ANK2: variants seen among roughly 807,000 people sequenced by gnomAD.
The protein encoded by ANK2 is ankyrin-2.
In ANK2, 83 loss-of-function variants were observed where a neutral mutation model predicts 360.5. That is an observed-to-expected ratio of 0.23 (90% confidence interval 0.19 to 0.28). The LOEUF is 0.28. ANK2 is among the 10% of genes least tolerant of loss of function. The pLI is 1.00. For missense variants in ANK2, 4,201 were observed against 4,795.7 expected (o/e 0.88, Z 3.66); for synonymous variants, 1,740 against 1,759.5 (o/e 0.99, Z 0.28).
intron 2 of ANK2, among the ~76,000 whole-genome samples, chr4:112,942,842 GA>G (rs1400159844): frequency 1.3e-5 from 2 of 151,222 alleles, no homozygotes; most frequent in East Asian, 1.9e-4. Context: ...AATATATTAA[GA>G]AAAAAAATTC....
chr4:112,836,943 G>A (rs2061114140), intron 1 of ANK2, among the ~76,000 whole-genome samples: 1 of 152,210 alleles, frequency 6.6e-6, no homozygotes, highest in Non-Finnish European at 1.5e-5. Context: ...CCCATTTTCT[G>A]GGGAGAAATT....
intron 1 of ANK2, among the ~76,000 whole-genome samples, chr4:113,142,416 T>C (rs1367725441): frequency 6.6e-6 from 1 of 152,192 alleles, no homozygotes; most frequent in Non-Finnish European, 1.5e-5. Context: ...AAGTTTGAAG[T>C]GATCACACAT....
At chr4:112,816,132 C>T (rs188319400), upstream of ANK2, among the ~76,000 whole-genome samples, 53 of 152,168 alleles carry the variant, frequency 3.5e-4, no homozygotes, top group African/African-American at 1.4e-4. Context: ...GTGGTGTCTG[C>T]GTTAACTCTG....
chr4:113,367,414 G>A (rs2096576099), intron 41 of ANK2, 152 bp from the exon 42 acceptor site: 2 of 729,704 alleles, frequency 2.7e-6, no homozygotes, highest in Admixed American at 4.9e-5. Context: ...GGTGGACACA[G>A]TGTCTTCTTC....
At chr4:113,347,193 G>C (rs1008677749) in intron 35 of ANK2, among the ~76,000 whole-genome samples, 10 of 152,090 alleles carry the variant, frequency 6.6e-5, no homozygotes, top group Non-Finnish European at 1.5e-4. Context: ...CAGCCATCTA[G>C]AGAAAAGCTC....
In ANK2 at chr4:112,984,485, A is replaced by G. The variant is rs1484200417; in HGVS notation, c.21+79971A>G. Among the ~76,000 whole-genome samples, 5 of 152,168 alleles carry G rather than the reference A, an allele frequency of 3.3e-5. No homozygotes were observed. In the East Asian group the frequency reaches 9.7e-4, roughly 29 times the overall value. Reference sequence around the variant, plus strand: ...TGAGACTTACTATCACAAGAATAGCATGGGAAAGACCTGCCCCCATGATTC... The same window carrying G: ...TGAGACTTACTATCACAAGAATAGCGTGGGAAAGACCTGCCCCCATGATTC... On this transcript the variant is annotated intron_variant, in intron 2 of 30. Transcript: ENST00000503271.
chr4:112,960,671 A>G (rs1450953846), intron 2 of ANK2, among the ~76,000 whole-genome samples: 1 of 152,184 alleles, frequency 6.6e-6, no homozygotes, highest in Non-Finnish European at 1.5e-5. Flanking sequence ...TAATAAATTT[A>G]TTCTTTAAAA....
the ANK2 span, among the ~76,000 whole-genome samples, chr4:112,802,862 C>T: frequency 0.56 from 85,099 of 151,922 alleles, 24,630 homozygotes; most frequent in East Asian, 0.88. Context: ...GAATCGTGTG[C>T]AAATGATTTT....
chr4:113,249,026 G>C (rs1011870680), intron 9 of ANK2, among the ~76,000 whole-genome samples: 33 of 152,130 alleles, frequency 2.2e-4, no homozygotes, highest in African/African-American at 7.7e-4. Context: ...GGATTGCTCT[G>C]GAATCAGAGG....
chr4:112,853,138 G>A (rs372728616), intron 1 of ANK2, among the ~76,000 whole-genome samples: 1 of 151,832 alleles, frequency 6.6e-6, no homozygotes, highest in African/African-American at 2.4e-5. Flanking sequence ...GCGTGATCTC[G>A]GCTCACTGCA....
In ANK2 at chr4:113,304,842, T is replaced by C. The variant is rs562836502; in HGVS notation, c.2548+2003T>C. On this transcript the variant is annotated intron_variant, in intron 23 of 45. Coordinates refer to ENST00000357077, the MANE Select transcript of ANK2 (RefSeq NM_001148.6). ...AAGGAAAAATGAGTAATGTAAGATA[T>C]TTTATCTAGTAAGAGGTTTCCAAAG... Among the ~76,000 whole-genome samples the C allele has an allele frequency of 2.0e-5, 3 of 152,310 alleles. 1 individual carries two copies. The South Asian group carries it at 6.2e-4, about 32-fold the overall frequency.
Position 113,358,459 on chromosome 4 carries a change from C to G in ANK2, c.9841C>G (p.Gln3281Glu), listed in dbSNP as rs372534074. 269 of 1,613,990 alleles carry G rather than the reference C, an allele frequency of 1.7e-4. No individual in the cohort carries two copies. The highest frequency in any genetic ancestry group is 2.2e-4 in the Non-Finnish European group (254 of 1,179,978). ...DDSPDSSPEE[Q>E]KSVIEIPTAP... The stretch of plus-strand genomic sequence containing the variant: ...TTCTCCCGATTCTTCCCCAGAAGAA[C>G]AGAAATCAGTAATCGAGATTCCTAC... Residue 3281 changes from glutamine to glutamate, a missense_variant, in exon 38 of 46, where the codon CAG (glutamine) becomes GAG (glutamate). Coordinates refer to ENST00000357077, the MANE Select transcript of ANK2 (RefSeq NM_001148.6).
chr4:113,180,483 C>G (rs996874477), intron 2 of ANK2, among the ~76,000 whole-genome samples: 1 of 152,080 alleles, frequency 6.6e-6, no homozygotes. Context: ...AGCACTGATT[C>G]GCACAAGCAG....
chr4:112,718,870 C>T, the ANK2 span, among the ~76,000 whole-genome samples: 65 of 152,300 alleles, frequency 4.3e-4, no homozygotes, highest in African/African-American at 1.4e-3. Context: ...CTCCTGACCT[C>T]AGGTGATCTG....
chr4:112,951,106 A>AG (rs1427058829), intron 2 of ANK2, among the ~76,000 whole-genome samples: 9 of 149,998 alleles, frequency 6.0e-5, no homozygotes, highest in Non-Finnish European at 1.3e-4. Flanking sequence ...AAAAAAAAAA[A>AG]TGTGTGCCTC....
At chr4:112,886,340 A>G (rs2078337595) in intron 1 of ANK2, among the ~76,000 whole-genome samples, 1 of 152,110 alleles carries the variant, frequency 6.6e-6, no homozygotes, top group Admixed American at 6.6e-5. Context: ...GCCGCACTCC[A>G]GAGTAAGCTA....
intron 1 of ANK2, among the ~76,000 whole-genome samples, chr4:113,135,958 T>A (rs1312131256): frequency 1.3e-5 from 2 of 152,214 alleles, no homozygotes; most frequent in Non-Finnish European, 2.9e-5. Context: ...TGTGAGTACA[T>A]CAGTAATAAT....
At chr4:112,881,549 C>T (rs1464431348) in intron 1 of ANK2, among the ~76,000 whole-genome samples, 1 of 152,114 alleles carries the variant, frequency 6.6e-6, no homozygotes, top group Non-Finnish European at 1.5e-5. Context: ...TTTAAAGACA[C>T]ATTTATTCAG....
chr4:113,108,667 AG>A (rs1326118731), intron 1 of ANK2, among the ~76,000 whole-genome samples: 2 of 152,156 alleles, frequency 1.3e-5, no homozygotes, highest in Non-Finnish European at 2.9e-5. Flanking sequence ...TCAAGAAATT[AG>A]GGGAGAGAGA....
Sources: gnomAD v4.1 joint callset for allele counts (sites outside exome capture counted in the v4.1 genomes callset) on GRCh38, gnomAD v4.1.1 for gene constraint, MANE v1.5 for transcripts, NCBI Gene and HGNC (gene_info 2026-07-23, HGNC 2026-07-21) for gene names.